The following AMZ1 variants were observed in gnomAD, a reference collection of about 807,000 sequenced individuals.
The protein encoded by AMZ1 is archaemetzincin-1.
A neutral mutation model predicts 29.9 loss-of-function variants in AMZ1; 39 were observed. The observed-to-expected ratio is 1.30, with a 90% CI of 1.01 to 1.70. The LOEUF (loss-of-function observed/expected upper bound fraction) is 1.70, where lower values mean the gene tolerates loss of function less well. Among genes scored for constraint, AMZ1 ranks in the 40% most tolerant of loss-of-function variants. AMZ1 has a pLI of 0.00. For synonymous variants in AMZ1, 458 were observed against 304.0 expected (o/e 1.51, Z -5.27); for missense variants, 1,041 against 680.6 (o/e 1.53, Z -5.89).
intron 3 of AMZ1, among the ~76,000 whole-genome samples, chr7:2,704,965 C>A (rs1788268188): frequency 6.6e-6 from 1 of 152,200 alleles, no homozygotes; most frequent in South Asian, 2.1e-4. Context: ...TGTCCATGAA[C>A]ATAGTTGCTT....
In AMZ1 at chr7:2,731,786, A is replaced by G. The variant is rs750171093; in HGVS notation, n.550+21970A>G. ...CAGGATGAGGCAGAAATTTAGGGGGAGGAAGAAAGAACAGAGAAAATAGAA... is the reference window on the plus strand; with the variant it reads ...CAGGATGAGGCAGAAATTTAGGGGGGGGAAGAAAGAACAGAGAAAATAGAA... On this transcript the variant is annotated intron_variant and non_coding_transcript_variant, in intron 4 of 4. Transcript: ENST00000489665. This position sits in a 1 kb window ranked among gnomAD's most constrained non-coding sequence, Gnocchi z 6.0. 6.4e-6 allele frequency: 7 copies of G among 1,091,462 alleles called. No homozygotes were observed. The Admixed American group carries it at 9.9e-5, about 15-fold the overall frequency. 67.6% of individuals were successfully genotyped at this position (1,091,462 alleles called of 1,614,324 possible). A position where few individuals can be genotyped will look rare whatever the true frequency, so the allele number is the denominator to read the frequency against.
At chr7:2,689,276 C>T (rs1787239831) in intron 1 of AMZ1, among the ~76,000 whole-genome samples, 1 of 152,140 alleles carries the variant, frequency 6.6e-6, no homozygotes, top group Non-Finnish European at 1.5e-5. Flanking sequence ...AGCATGAGTG[C>T]CCGGAGCTGT....
chr7:2,742,958 C>G (rs798512), intron 4 of AMZ1, among the ~76,000 whole-genome samples: 61,639 of 152,118 alleles, frequency 0.41, 12,731 homozygotes, highest in Admixed American at 0.47. Flanking sequence ...CAGGTGCACA[C>G]TCACATCACC....
rs766073550 is a variant in AMZ1, at chr7:2,712,567, C to T, written c.1186C>T (p.Pro396Ser). The T allele has an allele frequency of 3.3e-5, 53 of 1,610,750 alleles. No homozygotes were observed. The highest frequency in any genetic ancestry group is 3.2e-4 in the Admixed American group (19 of 59,794). Reference protein sequence around the residue: ...SYLAASEAPLPPGGPAEAIKE... With the variant: ...SYLAASEAPLSPGGPAEAIKE... ...CCTGGCAGCCTCAGAGGCTCCGCTGCCACCTGGGGGCCCTGCGGAGGCCAT... is the reference window on the plus strand; with the variant it reads ...CCTGGCAGCCTCAGAGGCTCCGCTGTCACCTGGGGGCCCTGCGGAGGCCAT... Residue 396 changes from proline (P) to serine (S), a missense_variant, in exon 7 of 7, where the codon CCA becomes TCA. Coordinates refer to ENST00000683327, the MANE Select transcript of AMZ1 (RefSeq NM_001384743.1).
chr7:2,693,846 C>A (rs909498667), intron 1 of AMZ1, among the ~76,000 whole-genome samples: 4 of 152,262 alleles, frequency 2.6e-5, no homozygotes, highest in African/African-American at 9.6e-5. Context: ...TGGGCCACTG[C>A]AGCCAGCCAG....
At chr7:2,706,326 C>T (rs1181797918) in intron 3 of AMZ1, among the ~76,000 whole-genome samples, 1 of 152,210 alleles carries the variant, frequency 6.6e-6, no homozygotes, top group Non-Finnish European at 1.5e-5. Context: ...GCCATCACAC[C>T]TGGCTAATTA....
At chr7:2,763,193 CACACACACACA>C, upstream of AMZ1, 2 of 93,014 alleles carry the variant, frequency 2.2e-5, no homozygotes, top group Non-Finnish European at 4.5e-5. Flanking sequence ...GACACCCCAA[CACACACACACA>C]CACACACACA....
chr7:2,735,111 T>C (rs1378879503), intron 4 of AMZ1, among the ~76,000 whole-genome samples: 1 of 97,972 alleles, frequency 1.0e-5, no homozygotes, highest in Non-Finnish European at 2.5e-5. Context: ...TTGGGTGCAC[T>C]CACTCCCTGA....
intron 1 of AMZ1, among the ~76,000 whole-genome samples, 191 bp from the exon 2 acceptor site, chr7:2,700,043 G>A (rs1266736408): frequency 2.0e-5 from 3 of 151,868 alleles, no homozygotes; most frequent in Non-Finnish European, 4.4e-5. Flanking sequence ...AGAAGATGAA[G>A]TGGTTGAATG....
At position 2,716,911 on chromosome 7, in the gene AMZ1, C is replaced by T. The variant is rs1456315437; in HGVS notation, c.*4033C>T. Among the ~76,000 whole-genome samples, 2 of 152,190 alleles carry T rather than the reference C, an allele frequency of 1.3e-5. No homozygotes were observed. Among genetic ancestry groups the T allele is most frequent in the Non-Finnish European group, 2.9e-5 (2 of 68,028 alleles). ...GGCTGGAGCCTCAGAAACGGCAGAGCGGAAGTTGAGGCGCAGTCTGTTCTT... is the reference window on the plus strand; with the variant it reads ...GGCTGGAGCCTCAGAAACGGCAGAGTGGAAGTTGAGGCGCAGTCTGTTCTT... On this transcript the variant is annotated 3_prime_UTR_variant, in exon 7 of 7. Transcript: ENST00000683327.
At chr7:2,733,997 A>G (rs549081745) in intron 4 of AMZ1, among the ~76,000 whole-genome samples, 2 of 152,390 alleles carry the variant, frequency 1.3e-5, no homozygotes, top group East Asian at 1.9e-4. Flanking sequence ...GTTTCTAGAA[A>G]GAGTCCATTA....
chr7:2,729,472 ACT>A (rs1055219227), intron 4 of AMZ1: 1 of 152,426 alleles, frequency 6.6e-6, no homozygotes, highest in African/African-American at 2.4e-5. Context: ...CCCAGCAAAC[ACT>A]GACACACAGC....
At chr7:2,741,861 T>C (rs2115330317) in intron 4 of AMZ1, among the ~76,000 whole-genome samples, 2 of 150,704 alleles carry the variant, frequency 1.3e-5, no homozygotes, top group East Asian at 3.9e-4. Flanking sequence ...CTAGGATGAC[T>C]GTCTCATAAT....
chr7:2,729,009 A>C (rs945367916), intron 4 of AMZ1: 1 of 152,426 alleles, frequency 6.6e-6, no homozygotes, highest in Non-Finnish European at 1.5e-5. Flanking sequence ...TTCTGGTTTG[A>C]AAGTGACGAG....
chr7:2,698,524 C>A (rs894000901), intron 1 of AMZ1, among the ~76,000 whole-genome samples: 1 of 151,698 alleles, frequency 6.6e-6, no homozygotes, highest in African/African-American at 2.4e-5. Flanking sequence ...GGCGACACAG[C>A]AAGACTCCAT....
At chr7:2,687,012 C>T (rs1246973622), upstream of AMZ1, among the ~76,000 whole-genome samples, 2 of 149,130 alleles carry the variant, frequency 1.3e-5, no homozygotes, top group African/African-American at 2.4e-5. Flanking sequence ...CACGCCCAGC[C>T]GTGTTATTTC....
At chr7:2,750,831 A>C (rs1790998155) in intron 4 of AMZ1, among the ~76,000 whole-genome samples, 1 of 152,192 alleles carries the variant, frequency 6.6e-6, no homozygotes, top group South Asian at 2.1e-4. Context: ...CCAGATTCGG[A>C]TATGGCGAAA....
upstream of AMZ1, among the ~76,000 whole-genome samples, chr7:2,684,053 C>G (rs1221881342): frequency 1.3e-5 from 2 of 152,050 alleles, no homozygotes; most frequent in Non-Finnish European, 2.9e-5. Flanking sequence ...TGGCACGCGC[C>G]TATAATCCCA....
At chr7:2,737,274 G>GTTTTGTTTTGTTTT (rs1790242698) in intron 4 of AMZ1, among the ~76,000 whole-genome samples, 14 of 35,042 alleles carry the variant, frequency 4.0e-4, no homozygotes, top group African/African-American at 1.4e-3. Flanking sequence ...GTTTTGTTTT[G>GTTTTGTTTTGTTTT]TTTTTTTTTT....
Sources: gnomAD v4.1 joint callset for allele counts (sites outside exome capture counted in the v4.1 genomes callset) on GRCh38, gnomAD v4.1.1 for gene constraint, Gnocchi (gnomAD v3.1) non-coding constraint, MANE v1.5 for transcripts, NCBI Gene and HGNC (gene_info 2026-07-23, HGNC 2026-07-21) for gene names.